Variants in RBFOX1 observed in about 807,000 individuals in gnomAD.
RBFOX1 encodes RNA binding fox-1 homolog 1.
In RBFOX1, 8 loss-of-function variants were observed where a neutral mutation model predicts 57.7. The ratio of observed to expected loss-of-function variants is 0.14; its 90% CI spans 0.08 to 0.25. RBFOX1 has a LOEUF of 0.25. RBFOX1 is among the 10% of genes least tolerant of loss of function. The pLI is 1.00. For synonymous variants in RBFOX1, 326 were observed against 222.4 expected (o/e 1.47, Z -4.15); for missense variants, 611 against 548.5 (o/e 1.11, Z -1.14).
At chr16:7,223,712 G>GAAAAAAAAAAAAA (rs71147673) in intron 4 of RBFOX1, among the ~76,000 whole-genome samples, 3 of 130,470 alleles carry the variant, frequency 2.3e-5, no homozygotes, top group Non-Finnish European at 3.3e-5. Flanking sequence ...CAGTGTTTCA[G>GAAAAAAAAAAAAA]AAAAAAAAAA....
At chr16:6,881,168 A>T (rs1390266418) in intron 3 of RBFOX1, among the ~76,000 whole-genome samples, 1 of 152,180 alleles carries the variant, frequency 6.6e-6, no homozygotes, top group African/African-American at 2.4e-5. Flanking sequence ...GGCACACAAA[A>T]TGAAACCCAT....
At chr16:6,947,864 C>A (rs1452860888) in intron 3 of RBFOX1, among the ~76,000 whole-genome samples, 3 of 152,166 alleles carry the variant, frequency 2.0e-5, no homozygotes, top group Non-Finnish European at 4.4e-5. Flanking sequence ...GCAAAGTCCA[C>A]CTCATGGGTT....
At chr16:5,448,427 C>T (rs1038292932) in intron 1 of RBFOX1, among the ~76,000 whole-genome samples, 3 of 152,148 alleles carry the variant, frequency 2.0e-5, no homozygotes, top group African/African-American at 4.8e-5. Context: ...ATATAATGAA[C>T]AGCTGGGAAA....
chr16:7,047,787 C>G (rs1474589665), intron 3 of RBFOX1, among the ~76,000 whole-genome samples: 1 of 73,912 alleles, frequency 1.4e-5, no homozygotes, highest in African/African-American at 4.7e-5. Flanking sequence ...AGAATGGATA[C>G]TTTTTATGTA....
intron 2 of RBFOX1, among the ~76,000 whole-genome samples, chr16:6,515,048 G>T (rs981191218): frequency 3.3e-5 from 5 of 152,028 alleles, no homozygotes; most frequent in African/African-American, 1.2e-4. Flanking sequence ...AATTTCTGAA[G>T]AAGTGAAGGA....
At chr16:7,518,424 T>G in intron 5 of RBFOX1, 35 bp downstream of exon 5, 1 of 1,577,350 alleles carries the variant, frequency 6.3e-7, no homozygotes, top group East Asian at 2.3e-5. Flanking sequence ...TGGGAGGTTA[T>G]GGGGAGGCGC....
intron 1 of RBFOX1, among the ~76,000 whole-genome samples, chr16:5,385,342 G>C (rs1034191153): frequency 5.9e-5 from 9 of 152,150 alleles, no homozygotes; most frequent in African/African-American, 2.2e-4. Flanking sequence ...CTGTGTACTT[G>C]TAATGTCCAT....
intron 1 of RBFOX1, among the ~76,000 whole-genome samples, chr16:5,357,050 T>C (rs1410692007): frequency 6.6e-6 from 1 of 152,208 alleles, no homozygotes; most frequent in Non-Finnish European, 1.5e-5. Context: ...TTGCCCGTGA[T>C]GACACAGTTC....
intron 1 of RBFOX1, among the ~76,000 whole-genome samples, chr16:5,371,821 C>G (rs2065864038): frequency 6.6e-6 from 1 of 152,192 alleles, no homozygotes; most frequent in African/African-American, 2.4e-5. Flanking sequence ...ATGCTCCCAC[C>G]TGAGGGAGAA....
intron 3 of RBFOX1, among the ~76,000 whole-genome samples, chr16:5,627,676 C>A (rs2048384839): frequency 6.6e-6 from 1 of 151,986 alleles, no homozygotes; most frequent in African/African-American, 2.4e-5. Context: ...CAGATTCAAC[C>A]AACTGAAGGT....
At chr16:7,413,418 C>G (rs2098448622) in intron 4 of RBFOX1, among the ~76,000 whole-genome samples, 1 of 152,090 alleles carries the variant, frequency 6.6e-6, no homozygotes, top group African/African-American at 2.4e-5. Flanking sequence ...CCCAGAGTTC[C>G]TGATTCACTG....
rs542433748 is a variant in RBFOX1 at position 7,092,958 on chromosome 16, C to G, written c.27+40860C>G. On this transcript the variant is annotated intron_variant, in intron 4 of 15. Coordinates refer to ENST00000550418, the MANE Select transcript of RBFOX1 (RefSeq NM_018723.4). ...AGTTGACGCATTCGTTGAATGGTTC[C>G]TTTTCGTAGGAACTTGTGCTGGAAA... 4.6e-5 allele frequency among the ~76,000 whole-genome samples: 7 copies of G among 152,310 alleles called. No individual in the cohort carries two copies. In the South Asian group the frequency reaches 1.5e-3, roughly 32 times the overall value.
At chr16:6,411,440 C>T (rs770628766) in intron 2 of RBFOX1, among the ~76,000 whole-genome samples, 3 of 152,182 alleles carry the variant, frequency 2.0e-5, no homozygotes, top group Non-Finnish European at 4.4e-5. Context: ...CTTCATCTAT[C>T]TTCCAATACA....
At chr16:6,975,632 G>A (rs1393437332) in intron 3 of RBFOX1, among the ~76,000 whole-genome samples, 1 of 152,158 alleles carries the variant, frequency 6.6e-6, no homozygotes, top group Non-Finnish European at 1.5e-5. Context: ...CCACTTGACA[G>A]ATGAAAAGAC....
chr16:6,544,800 C>A (rs963622627), intron 2 of RBFOX1, among the ~76,000 whole-genome samples: 1 of 152,088 alleles, frequency 6.6e-6, no homozygotes, highest in East Asian at 1.9e-4. Context: ...ATGCTGAGCA[C>A]GTAGATTAGT....
chr16:7,282,779 T>A (rs975840778), intron 4 of RBFOX1, among the ~76,000 whole-genome samples: 21 of 152,224 alleles, frequency 1.4e-4, no homozygotes, highest in Non-Finnish European at 1.3e-4. Context: ...GTCATTCTTA[T>A]GCCTTTGCAT....
intron 4 of RBFOX1, among the ~76,000 whole-genome samples, chr16:7,334,369 C>T (rs1191413042): frequency 6.6e-6 from 1 of 152,056 alleles, no homozygotes; most frequent in African/African-American, 2.4e-5. Context: ...GATAAGGTTG[C>T]CATTTCTGAA....
chr16:5,264,714 G>T (rs1395611270), intron 1 of RBFOX1, among the ~76,000 whole-genome samples: 1 of 152,126 alleles, frequency 6.6e-6, no homozygotes, highest in East Asian at 1.9e-4. Context: ...CCAGTAGGCT[G>T]GGGGCAGAGG....
chr16:6,379,732 T>C (rs2091596909), intron 2 of RBFOX1, among the ~76,000 whole-genome samples: 1 of 149,634 alleles, frequency 6.7e-6, no homozygotes, highest in Non-Finnish European at 1.5e-5. Flanking sequence ...ATGGTGGGAA[T>C]ATGCCAGAGA....
Sources: allele counts gnomAD v4.1 joint callset (sites outside exome capture counted in the v4.1 genomes callset), GRCh38; gene constraint gnomAD v4.1.1; transcripts MANE v1.5; gene names NCBI Gene and HGNC (gene_info 2026-07-23, HGNC 2026-07-21).